DLC1: variants seen among roughly 807,000 people sequenced by gnomAD.
DLC1 encodes rho GTPase-activating protein 7.
In DLC1, 54 loss-of-function variants were observed where a neutral mutation model predicts 140.3. The ratio of observed to expected loss-of-function variants is 0.38; its 90% CI spans 0.31 to 0.48. The LOEUF (loss-of-function observed/expected upper bound fraction) is 0.48. Among genes scored for constraint, DLC1 ranks in the 20% least tolerant of loss-of-function variants. The pLI, the probability that DLC1 is intolerant of heterozygous loss-of-function variation, is 0.96. For synonymous variants in DLC1, 986 were observed against 728.1 expected (o/e 1.35, Z -5.70); for missense variants, 2,536 against 1,907.0 (o/e 1.33, Z -6.14).
At chr8:13,507,823 A>G (rs534756829) in intron 1 of DLC1, among the ~76,000 whole-genome samples, 3 of 152,318 alleles carry the variant, frequency 2.0e-5, no homozygotes, top group Admixed American at 6.5e-5. Flanking sequence ...TGAGCCAAGT[A>G]AGGGGAATAA....
At chr8:13,213,381 C>G (rs955741406) in intron 5 of DLC1, among the ~76,000 whole-genome samples, 3 of 152,276 alleles carry the variant, frequency 2.0e-5, no homozygotes, top group Non-Finnish European at 4.4e-5. Context: ...CTCTATATTT[C>G]TACATACAGA....
At chr8:13,461,484 G>T (rs1799655545) in intron 2 of DLC1, among the ~76,000 whole-genome samples, 1 of 152,148 alleles carries the variant, frequency 6.6e-6, no homozygotes, top group Non-Finnish European at 1.5e-5. Context: ...GCCTTTAGGT[G>T]ATAAACACTG....
At position 13,097,730 on chromosome 8, in the gene DLC1, T is replaced by C. The variant is rs140296422; in HGVS notation, c.3167+669A>G. On this transcript the variant is annotated intron_variant, in intron 10 of 17. Coordinates refer to ENST00000276297, the MANE Select transcript of DLC1 (RefSeq NM_182643.3). ...TACTTATAGTGGATTATTCTTAATA[T>C]TGGGAAGGAGGTGCCTATACCACGT... Among the ~76,000 whole-genome samples the C allele has an allele frequency of 2.4e-3, 367 of 152,248 alleles. 1 individual carries two copies. The highest frequency in any genetic ancestry group is 8.5e-3 in the African/African-American group (354 of 41,556).
intron 2 of DLC1, among the ~76,000 whole-genome samples, chr8:13,423,708 C>G (rs1838423616): frequency 6.6e-6 from 1 of 152,042 alleles, no homozygotes; most frequent in East Asian, 1.9e-4. Flanking sequence ...TTTTATTCAA[C>G]CACAGATGTT....
intron 4 of DLC1, among the ~76,000 whole-genome samples, chr8:13,319,272 A>G (rs1832987926): frequency 6.6e-6 from 1 of 152,218 alleles, no homozygotes; most frequent in African/African-American, 2.4e-5. Context: ...ATTTTGCATT[A>G]TAATTAAGAT....
chr8:13,553,638 C>T (rs1036228850), intron 1 of DLC1, among the ~76,000 whole-genome samples: 4 of 152,008 alleles, frequency 2.6e-5, no homozygotes, highest in Non-Finnish European at 4.4e-5. Context: ...CAGGCATGAG[C>T]CACTGCTCTC....
intron 2 of DLC1, among the ~76,000 whole-genome samples, chr8:13,420,671 C>A (rs60696589): frequency 0.026 from 3,924 of 152,094 alleles, 79 homozygotes; most frequent in South Asian, 0.073. Context: ...TTTTCTGTTC[C>A]TGAGTTAGTT....
intron 5 of DLC1, among the ~76,000 whole-genome samples, chr8:13,209,629 G>A (rs1233196301): frequency 6.6e-6 from 1 of 152,092 alleles, no homozygotes; most frequent in Non-Finnish European, 1.5e-5. Flanking sequence ...CTTGGGGGTG[G>A]ATTTCTCATG....
At position 13,586,302 on chromosome 8, in the gene DLC1, A is replaced by T. The variant is rs1220446202; in HGVS notation, c.-126+18235T>A. On this transcript the variant is annotated intron_variant, in intron 1 of 1. Coordinates refer to the DLC1 transcript ENST00000631382. ...GAGGCTCTGAAACTTGGCCACCAGT[A>T]GTAGGAAAGAAGAAGAGGAGATAGA... Among the ~76,000 whole-genome samples, 7 of 152,206 alleles carry T rather than the reference A, an allele frequency of 4.6e-5. No homozygotes were observed. In the East Asian group the frequency reaches 1.3e-3, roughly 29 times the overall value.
At chr8:13,307,129 T>G (rs1586106257) in intron 4 of DLC1, among the ~76,000 whole-genome samples, 1 of 151,200 alleles carries the variant, frequency 6.6e-6, no homozygotes, top group Non-Finnish European at 1.5e-5. Flanking sequence ...GGGAGTTACT[T>G]TGGCAAGATT....
chr8:13,412,435 A>G (rs1837821153), intron 2 of DLC1, among the ~76,000 whole-genome samples: 1 of 152,166 alleles, frequency 6.6e-6, no homozygotes, highest in South Asian at 2.1e-4. Flanking sequence ...GCATGCAAAG[A>G]CAGTATAATC....
intron 5 of DLC1, among the ~76,000 whole-genome samples, chr8:13,126,745 T>C (rs1461431367): frequency 6.6e-6 from 1 of 152,234 alleles, no homozygotes; most frequent in East Asian, 1.9e-4. Flanking sequence ...CTTTTACATA[T>C]GTTAGCAAAG....
intron 2 of DLC1, among the ~76,000 whole-genome samples, chr8:13,430,565 C>G (rs969245915): frequency 1.3e-5 from 2 of 151,972 alleles, no homozygotes; most frequent in Admixed American, 1.3e-4. Flanking sequence ...CACTGTCTTC[C>G]TTTTTTCTGC....
intron 1 of DLC1, among the ~76,000 whole-genome samples, chr8:13,536,439 G>C (rs1803287866): frequency 1.3e-5 from 2 of 152,076 alleles, no homozygotes; most frequent in Admixed American, 6.5e-5. Flanking sequence ...TTTTAGAAGT[G>C]GTTACTATGC....
At chr8:13,581,086 T>C (rs1805079121) in intron 1 of DLC1, among the ~76,000 whole-genome samples, 1 of 152,238 alleles carries the variant, frequency 6.6e-6, no homozygotes, top group Non-Finnish European at 1.5e-5. Context: ...CAGACTCTAT[T>C]ACAAAGTATT....
intron 1 of DLC1, among the ~76,000 whole-genome samples, chr8:13,589,987 A>G (rs1258288114): frequency 6.6e-6 from 1 of 151,626 alleles, no homozygotes; most frequent in East Asian, 1.9e-4. Flanking sequence ...GTTATTTTCA[A>G]AATTTCAACA....
At chr8:13,301,258 G>A (rs1320140684) in intron 5 of DLC1, among the ~76,000 whole-genome samples, 2 of 151,520 alleles carry the variant, frequency 1.3e-5, no homozygotes, top group South Asian at 2.1e-4. Context: ...AGGTTAAAAT[G>A]TGATCACCTC....
chr8:13,286,899 T>G (rs1831553036), intron 5 of DLC1, among the ~76,000 whole-genome samples: 1 of 152,126 alleles, frequency 6.6e-6, no homozygotes, highest in African/African-American at 2.4e-5. Context: ...GACTTGAAAC[T>G]GTACAGGAGA....
intron 5 of DLC1, among the ~76,000 whole-genome samples, chr8:13,268,096 C>T (rs1347205161): frequency 6.6e-6 from 1 of 152,078 alleles, no homozygotes; most frequent in Admixed American, 6.6e-5. Context: ...AGTATAACTT[C>T]CAATTTTAGT....
Sources: gnomAD v4.1 joint callset for allele counts (sites outside exome capture counted in the v4.1 genomes callset) on GRCh38, gnomAD v4.1.1 for gene constraint, MANE v1.5 for transcripts, NCBI Gene and HGNC (gene_info 2026-07-23, HGNC 2026-07-21) for gene names.